SEMA6A: variants seen among roughly 807,000 people sequenced by gnomAD.
SEMA6A encodes the protein semaphorin-6A.
In SEMA6A, 25 loss-of-function variants were observed where a neutral mutation model predicts 96.8. The ratio of observed to expected loss-of-function variants is 0.26; its 90% CI spans 0.19 to 0.36. The LOEUF (loss-of-function observed/expected upper bound fraction) is 0.36, where lower values mean the gene tolerates loss of function less well. Ranked by LOEUF, SEMA6A falls within the 10% of genes least tolerant of loss-of-function variation. SEMA6A has a pLI of 1.00. For synonymous variants in SEMA6A, 612 were observed against 518.0 expected (o/e 1.18, Z -2.46); for missense variants, 1,363 against 1,323.1 (o/e 1.03, Z -0.47).
chr5:116,545,402 T>G (rs980447802), intron 1 of SEMA6A, among the ~76,000 whole-genome samples: 1 of 152,064 alleles, frequency 6.6e-6, no homozygotes, highest in African/African-American at 2.4e-5. Flanking sequence ...AAATCCCGTC[T>G]CTACTAAAAA....
At chr5:116,502,103 ACT>A in intron 3 of SEMA6A, 105 bp downstream of exon 3, 1 of 790,480 alleles carries the variant, frequency 1.3e-6, no homozygotes. Flanking sequence ...GTTAAATAAC[ACT>A]CTATTTAGAA....
At chr5:116,461,305 A>G (rs1272293560) in intron 18 of SEMA6A, among the ~76,000 whole-genome samples, 1 of 152,056 alleles carries the variant, frequency 6.6e-6, no homozygotes, top group Non-Finnish European at 1.5e-5. Flanking sequence ...GTTGAGTGGA[A>G]GTGAAAACCC....
rs1053631000 is a variant in SEMA6A at position 116,447,286 on chromosome 5, G to A, written c.2420C>T (p.Ala807Val). 2.5e-6 allele frequency: 4 copies of A among 1,613,680 alleles called. No individual in the cohort carries two copies. Among genetic ancestry groups the A allele is most frequent in the East Asian group, 2.2e-5 (1 of 44,892 alleles). ...PVIPTDLPLR[A>V]SPSHIPSVVV... ...CACGCTGGGGATGTGGCTGGGGGAG[G>A]CCCGCAGGGGCAGGTCCGTGGGAAT... The change falls in exon 19 of 19, where the codon GCC (alanine) becomes GTC (valine). Residue 807 changes from alanine (A) to valine (V), a missense_variant. By Grantham distance (64) the Ala-to-Val change is moderately conservative. Coordinates refer to ENST00000343348, the MANE Select transcript of SEMA6A (RefSeq NM_020796.5).
intron 6 of SEMA6A, chr5:116,492,504 A>G (rs1757377686): frequency 6.6e-6 from 1 of 152,216 alleles, no homozygotes; most frequent in Admixed American, 6.5e-5. Context: ...TTAAACAGCT[A>G]TCAGGTACAG....
Position 116,447,471 on chromosome 5 carries a change from T to C in SEMA6A, c.2235A>G (p.Ala745=). Residue 745 remains alanine, a synonymous_variant, in exon 19 of 19, where the codon GCA becomes GCG. Coordinates refer to ENST00000343348, the MANE Select transcript of SEMA6A (RefSeq NM_020796.5). The part of the protein sequence containing the change: ...PGNTAKMLIK[A]DQHHLDLTAL... ...CCGTCAGGTCCAGGTGGTGCTGGTC[T>C]GCTTTAATGAGCATCTTGGCCGTGT... The C allele has an allele frequency of 6.2e-7, 1 of 1,614,088 alleles. No individual in the cohort carries two copies. Among genetic ancestry groups the C allele is most frequent in the Non-Finnish European group, 8.5e-7 (1 of 1,179,910 alleles).
At chr5:116,522,534 C>A (rs527665459) in intron 1 of SEMA6A, among the ~76,000 whole-genome samples, 1 of 152,128 alleles carries the variant, frequency 6.6e-6, no homozygotes, top group Non-Finnish European at 1.5e-5. Flanking sequence ...GTGGTTTACA[C>A]AGCACTATAA....
intron 16 of SEMA6A, among the ~76,000 whole-genome samples, chr5:116,474,284 A>G (rs1756331772): frequency 6.6e-6 from 1 of 150,422 alleles, no homozygotes; most frequent in Admixed American, 6.7e-5. Flanking sequence ...GCATGCACAC[A>G]CACACACACA....
At chr5:116,480,015 G>A (rs1454662029) in intron 12 of SEMA6A, 107 bp downstream of exon 12, 10 of 1,317,358 alleles carry the variant, frequency 7.6e-6, no homozygotes, top group African/African-American at 4.3e-5. Context: ...GAATGCCCAG[G>A]ATAGCAGAAG....
chr5:116,479,887 C>T (rs1035494580), intron 12 of SEMA6A, among the ~76,000 whole-genome samples: 2 of 152,302 alleles, frequency 1.3e-5, no homozygotes, highest in East Asian at 3.9e-4. Flanking sequence ...GTATTTCCTT[C>T]CTCTAATTGC....
At chr5:116,530,217 A>ATGTTG (rs1759404138) in intron 1 of SEMA6A, among the ~76,000 whole-genome samples, 1 of 152,180 alleles carries the variant, frequency 6.6e-6, no homozygotes, top group Non-Finnish European at 1.5e-5. Context: ...TGTTTACATT[A>ATGTTG]CTTTCATGCC....
chr5:116,497,204 A>C (rs959246525), intron 4 of SEMA6A, 123 bp downstream of exon 4: 1 of 604,298 alleles, frequency 1.7e-6, no homozygotes, highest in African/African-American at 1.9e-5. Context: ...ATTTCACAAA[A>C]TGCATGTTGG....
At position 116,567,565 on chromosome 5, in the gene SEMA6A, A is replaced by G. The variant is rs1001201637; in HGVS notation, c.-39+6620T>C. ...TAGCACATTTATTCTTCTCAAAACC[A>G]TAACATTATCATCATACTAGCACTT... On this transcript the variant is annotated intron_variant, in intron 1 of 18. Transcript: ENST00000343348. 7.9e-5 allele frequency among the ~76,000 whole-genome samples: 12 copies of G among 152,256 alleles called. No individual in the cohort carries two copies. The South Asian group carries it at 2.3e-3, about 29-fold the overall frequency.
chr5:116,489,750 A>C (rs1477054744), intron 7 of SEMA6A, among the ~76,000 whole-genome samples: 2 of 152,212 alleles, frequency 1.3e-5, no homozygotes, highest in African/African-American at 4.8e-5. Context: ...GATACGATTG[A>C]GGGTAGATCC....
chr5:116,558,423 A>G (rs930587864), intron 1 of SEMA6A, among the ~76,000 whole-genome samples: 1 of 151,620 alleles, frequency 6.6e-6, no homozygotes, highest in African/African-American at 2.4e-5. Context: ...CGCATGCTTT[A>G]GAGAATACCC....
chr5:116,553,492 G>A (rs373281297), intron 1 of SEMA6A, among the ~76,000 whole-genome samples: 258 of 152,326 alleles, frequency 1.7e-3, no homozygotes, highest in African/African-American at 5.9e-3. Context: ...CCACAGGACT[G>A]TGTGGCGCTG....
chr5:116,526,577 G>A (rs996364120), intron 1 of SEMA6A, among the ~76,000 whole-genome samples: 1 of 152,122 alleles, frequency 6.6e-6, no homozygotes, highest in African/African-American at 2.4e-5. Context: ...GCAAAATAAA[G>A]TATAAACACA....
At chr5:116,571,583 CAG>C (rs1035829971) in intron 1 of SEMA6A, among the ~76,000 whole-genome samples, 4 of 150,502 alleles carry the variant, frequency 2.7e-5, no homozygotes, top group African/African-American at 9.7e-5. Flanking sequence ...AAAATAATAA[CAG>C]GGAGTAAGGG....
intron 1 of SEMA6A, among the ~76,000 whole-genome samples, chr5:116,556,438 A>G (rs1760609935): frequency 1.3e-5 from 2 of 152,224 alleles, no homozygotes; most frequent in Admixed American, 6.5e-5. Flanking sequence ...GTTTGGTGTC[A>G]AATATTAATA....
At chr5:116,518,086 C>G (rs777374941) in intron 1 of SEMA6A, among the ~76,000 whole-genome samples, 5 of 152,174 alleles carry the variant, frequency 3.3e-5, no homozygotes, top group Admixed American at 2.6e-4. Flanking sequence ...TGAATAACCC[C>G]AGAAGTTTAG....
Sources: gnomAD v4.1 joint callset for allele counts (sites outside exome capture counted in the v4.1 genomes callset) on GRCh38, gnomAD v4.1.1 for gene constraint, MANE v1.5 for transcripts, NCBI Gene and HGNC (gene_info 2026-07-23, HGNC 2026-07-21) for gene names.